The following ADAM22 variants were observed in gnomAD, a reference collection of about 807,000 sequenced individuals.
The protein encoded by ADAM22 is ADAM metallopeptidase domain 22.
ADAM22 carries 65 observed loss-of-function variants against 144.6 expected under a neutral mutation model. That is an observed-to-expected ratio of 0.45 (90% CI 0.37 to 0.55). ADAM22 has a LOEUF of 0.55. Ranked by LOEUF, ADAM22 falls within the 20% of genes least tolerant of loss-of-function variation. The pLI is 0.00. For missense variants in ADAM22, 974 were observed against 1,184.9 expected, an observed-to-expected ratio of 0.82 and a Z score of 2.61; for synonymous variants, 391 against 412.6, an observed-to-expected ratio of 0.95 and a Z score of 0.63.
At chr7:88,180,471 T>C (rs1415675866) in intron 27 of ADAM22, among the ~76,000 whole-genome samples, 1 of 152,104 alleles carries the variant, frequency 6.6e-6, no homozygotes, top group Admixed American at 6.6e-5. Context: ...GGAATTCATA[T>C]GGAGTAGTTG....
At chr7:87,942,130 G>T (rs1477586980) in intron 2 of ADAM22, among the ~76,000 whole-genome samples, 2 of 152,028 alleles carry the variant, frequency 1.3e-5, no homozygotes, top group African/African-American at 4.8e-5. Flanking sequence ...AAGTGGGGCT[G>T]GGGGATGGAG....
At chr7:88,082,098 T>C (rs1585542296) in intron 4 of ADAM22, among the ~76,000 whole-genome samples, 1 of 152,180 alleles carries the variant, frequency 6.6e-6, no homozygotes, top group East Asian at 1.9e-4. Flanking sequence ...ACTACAAGGC[T>C]ACAGTAACCA....
In ADAM22 at chr7:88,014,572, G is replaced by A. The variant is rs10228023; in HGVS notation, c.323+36160G>A. On this transcript the variant is annotated intron_variant, in intron 3 of 31. Coordinates refer to ENST00000413139, the MANE Select transcript of ADAM22 (RefSeq NM_001324418.2). ...AACCTAGCCAACATGGCAAAAACCC[G>A]TCTCTACTAAAAATACAAAAATTAG... Among the ~76,000 whole-genome samples the A allele has an allele frequency of 7.7e-3, 1,167 of 152,120 alleles. 15 individuals are homozygous for A. The highest frequency in any genetic ancestry group is 0.027 in the African/African-American group (1,109 of 41,498).
Position 88,122,690 on chromosome 7 carries a change from T to C in ADAM22, c.608-2899T>C, listed in dbSNP as rs1456443449. On this transcript the variant is annotated intron_variant, in intron 7 of 31. Transcript: ENST00000413139. ...AAAGAGACAAGTTATCTGCCCTATG[T>C]AGTCCCAGGATCCAGTAATGGGCCA... 2.6e-5 allele frequency among the ~76,000 whole-genome samples: 4 copies of C among 152,200 alleles called. No individual in the cohort carries two copies. The East Asian group carries it at 7.7e-4, about 29-fold the overall frequency.
intron 4 of ADAM22, among the ~76,000 whole-genome samples, chr7:88,104,284 G>A (rs1345713335): frequency 1.3e-5 from 2 of 152,104 alleles, no homozygotes; most frequent in Non-Finnish European, 2.9e-5. Flanking sequence ...TATTTGTGAA[G>A]TGAAAAGGAT....
At chr7:87,970,767 C>T (rs1344267010) in intron 2 of ADAM22, among the ~76,000 whole-genome samples, 2 of 152,034 alleles carry the variant, frequency 1.3e-5, no homozygotes, top group Non-Finnish European at 2.9e-5. Context: ...CAGCTATTGC[C>T]CATGAATAAT....
At chr7:88,098,832 A>G (rs1040901879) in intron 4 of ADAM22, among the ~76,000 whole-genome samples, 1 of 151,226 alleles carries the variant, frequency 6.6e-6, no homozygotes, top group African/African-American at 2.4e-5. Flanking sequence ...ATTTCCTTTT[A>G]ATTTTTTAAG....
At chr7:88,045,643 A>G (rs1804446911) in intron 3 of ADAM22, among the ~76,000 whole-genome samples, 1 of 152,136 alleles carries the variant, frequency 6.6e-6, no homozygotes, top group South Asian at 2.1e-4. Flanking sequence ...GCCCCAGTAT[A>G]ATTGGACTTT....
At chr7:87,943,184 C>T (rs1358543549) in intron 2 of ADAM22, among the ~76,000 whole-genome samples, 3 of 149,370 alleles carry the variant, frequency 2.0e-5, no homozygotes, top group Non-Finnish European at 4.5e-5. Flanking sequence ...TAATATATAA[C>T]TTTTTTTGTC....
chr7:88,093,610 A>T (rs548281462), intron 4 of ADAM22, among the ~76,000 whole-genome samples: 1 of 152,018 alleles, frequency 6.6e-6, no homozygotes, highest in Non-Finnish European at 1.5e-5. Flanking sequence ...GCAGTGGCGC[A>T]GTCTTGGCTC....
At chr7:88,050,484 C>CAAAA (rs111631002) in intron 3 of ADAM22, among the ~76,000 whole-genome samples, 17 of 117,298 alleles carry the variant, frequency 1.4e-4, no homozygotes, top group African/African-American at 1.9e-4. Context: ...CAGGATAACT[C>CAAAA]AAAAAAAAAA....
rs1847064014 is a variant in ADAM22 at position 88,181,679 on chromosome 7, CT to C, written c.2596+78del. 8 of 1,291,008 alleles carry C rather than the reference CT, an allele frequency of 6.2e-6. No homozygotes were observed. In the Admixed American group the frequency reaches 8.2e-5, roughly 13 times the overall value. 80.0% of individuals were successfully genotyped at this position (1,291,008 alleles called of 1,614,324 possible). ...ATTCTGTGGCCCCTGGTTGTAAAGA[CT>C]TTTATTTCTTTGAAGCTCTTTAGCT... On this transcript the variant is annotated intron_variant, in intron 28 of 31. Coordinates refer to ENST00000413139, the MANE Select transcript of ADAM22 (RefSeq NM_001324418.2).
chr7:88,188,100 A>C lies in ADAM22; in HGVS notation c.2750+1399A>C, dbSNP rs1041604644. On this transcript the variant is annotated intron_variant, in intron 30 of 31. Transcript: ENST00000413139. Reference sequence around the variant, plus strand: ...GGAATCTTGGCTCACCTGCAGTCCTATTTCTCCTTTCTGTTTTCCTCAGGC... The same window carrying C: ...GGAATCTTGGCTCACCTGCAGTCCTCTTTCTCCTTTCTGTTTTCCTCAGGC... Among the ~76,000 whole-genome samples the C allele has an allele frequency of 2.0e-5, 3 of 151,854 alleles. No homozygotes were observed. In the East Asian group the frequency reaches 5.8e-4, roughly 29 times the overall value.
intron 3 of ADAM22, among the ~76,000 whole-genome samples, chr7:88,011,475 G>C (rs1440399411): frequency 6.6e-6 from 1 of 151,380 alleles, no homozygotes; most frequent in Non-Finnish European, 1.5e-5. Flanking sequence ...GGCAGGCAGA[G>C]CTTGCAGTGA....
chr7:88,107,974 T>G (rs748958107), intron 4 of ADAM22, among the ~76,000 whole-genome samples: 29 of 152,338 alleles, frequency 1.9e-4, no homozygotes, highest in Middle Eastern at 3.4e-3. Context: ...TTTATTTCCC[T>G]GAATTTTGAT....
chr7:88,130,272 GA>G (rs1427592931), intron 9 of ADAM22, 115 bp from the exon 10 acceptor site: 38 of 669,154 alleles, frequency 5.7e-5, no homozygotes, highest in Non-Finnish European at 8.5e-5. Flanking sequence ...TTACAGAAAA[GA>G]TTTTTTTTTT....
At position 88,179,130 on chromosome 7, in the gene ADAM22, GT is replaced by G; in HGVS notation, c.2495+4del. 2 of 1,063,668 alleles carry G rather than the reference GT, an allele frequency of 1.9e-6. No individual in the cohort carries two copies. Among genetic ancestry groups the G allele is most frequent in the Non-Finnish European group, 1.4e-6 (1 of 697,302 alleles). 65.9% of individuals were successfully genotyped at this position (1,063,668 alleles called of 1,614,324 possible). A position where few individuals can be genotyped will look rare whatever the true frequency, so the allele number is the denominator to read the frequency against. Reference sequence around the variant, plus strand: ...AGAACATTTCATTATTTTGCAGCAGGTTTGATTACTTCTTCCTTCTTTCTTG... The same window carrying G: ...AGAACATTTCATTATTTTGCAGCAGGTTGATTACTTCTTCCTTCTTTCTTG... On this transcript the variant is annotated splice_donor_variant, in intron 27 of 31. Transcript: ENST00000413139. LOFTEE classifies it high-confidence loss of function.
At chr7:87,962,593 G>A (rs753426548) in intron 2 of ADAM22, among the ~76,000 whole-genome samples, 2 of 151,576 alleles carry the variant, frequency 1.3e-5, no homozygotes, top group African/African-American at 4.8e-5. Context: ...TATGCCTAAC[G>A]TTTATGGAGC....
intron 3 of ADAM22, among the ~76,000 whole-genome samples, chr7:87,986,035 T>G (rs997210722): frequency 1.3e-5 from 2 of 152,170 alleles, no homozygotes; most frequent in African/African-American, 4.8e-5. Context: ...TGGAAAGAGT[T>G]CCATACTTCT....
Sources: gnomAD v4.1 joint callset for allele counts (sites outside exome capture counted in the v4.1 genomes callset) on GRCh38, gnomAD v4.1.1 for gene constraint, MANE v1.5 for transcripts, NCBI Gene and HGNC (gene_info 2026-07-23, HGNC 2026-07-21) for gene names.